Variants in UNC13A observed in about 807,000 individuals in gnomAD.
UNC13A encodes protein unc-13 homolog A.
A neutral mutation model predicts 219.7 loss-of-function variants in UNC13A; 61 were observed. That is an observed-to-expected ratio of 0.28 (90% CI 0.23 to 0.34). UNC13A has a LOEUF of 0.34. Ranked by LOEUF, UNC13A falls within the 10% of genes least tolerant of loss-of-function variation. UNC13A has a pLI of 1.00. For missense variants in UNC13A, 1,476 were observed against 2,270.3 expected (o/e 0.65, Z 7.11); for synonymous variants, 920 against 884.6 (o/e 1.04, Z -0.71).
At chr19:17,648,380 C>A in intron 16 of UNC13A, 51 bp downstream of exon 16, 1 of 1,454,010 alleles carries the variant, frequency 6.9e-7, no homozygotes, top group Non-Finnish European at 9.1e-7. Flanking sequence ...CATGCAAGCC[C>A]CGGGGCTCCC....
At chr19:17,635,016 G>A (rs1356084190) in intron 26 of UNC13A, among the ~76,000 whole-genome samples, 12 of 152,154 alleles carry the variant, frequency 7.9e-5, no homozygotes, top group East Asian at 3.9e-4. Context: ...GACTACAGGC[G>A]CCCACCACCA....
intron 21 of UNC13A, 93 bp downstream of exon 21, chr19:17,641,300 G>T: frequency 6.6e-7 from 1 of 1,509,828 alleles, no homozygotes; most frequent in Non-Finnish European, 9.0e-7. Flanking sequence ...TCCTCTCTGG[G>T]TCTTCCCCCT....
chr19:17,632,841 G>C lies in UNC13A; in HGVS notation c.3369C>G (p.Leu1123=). ...GAAGTTCCGTCACATACTCATTGTAGAGCCATTTCACCTTGAAGTGGAGGT... is the reference window on the plus strand; with the variant it reads ...GAAGTTCCGTCACATACTCATTGTACAGCCATTTCACCTTGAAGTGGAGGT... ...YMNLHFKVKW[L]YNEYVTELPA... Residue 1123 remains leucine, a synonymous_variant, in exon 28 of 44, where the codon CTC becomes CTG. Transcript: ENST00000519716. The C allele has an allele frequency of 6.2e-7, 1 of 1,613,976 alleles. No individual in the cohort carries two copies. Among genetic ancestry groups the C allele is most frequent in the South Asian group, 1.1e-5 (1 of 91,080 alleles).
intron 43 of UNC13A, among the ~76,000 whole-genome samples, chr19:17,607,296 C>A (rs1236781156): frequency 6.6e-6 from 1 of 152,150 alleles, no homozygotes; most frequent in African/African-American, 2.4e-5. Context: ...GCATCTCCCT[C>A]TGTCACCCAG....
rs764008931 is a variant in UNC13A, at chr19:17,676,190, A to G, written c.23-149T>C. 10 of 856,242 alleles carry G rather than the reference A, an allele frequency of 1.2e-5. No individual in the cohort carries two copies. In the South Asian group the frequency reaches 1.4e-4, roughly 12 times the overall value. 53.0% of individuals were successfully genotyped at this position (856,242 alleles called of 1,614,324 possible). A position where few individuals can be genotyped will look rare whatever the true frequency, so the allele number is the denominator to read the frequency against. On this transcript the variant is annotated intron_variant, in intron 1 of 43. Transcript: ENST00000519716. ...GACAGGCAAAGATAAAAAGCAAAAGAGACAGATGTTAAAAAAGAAAGATAG... is the reference window on the plus strand; with the variant it reads ...GACAGGCAAAGATAAAAAGCAAAAGGGACAGATGTTAAAAAAGAAAGATAG...
At position 17,647,349 on chromosome 19, in the gene UNC13A, T is replaced by G. The variant is rs758620888; in HGVS notation, c.1960A>C (p.Thr654Pro). Reference sequence around the variant, plus strand: ...GCCTTCATCTGCTGCGTGTGCGCCGTCTTGGTCACCGCGAAGATCTCCTGG... The same window carrying G: ...GCCTTCATCTGCTGCGTGTGCGCCGGCTTGGTCACCGCGAAGATCTCCTGG... ...LIQEIFAVTK[T>P]AHTQQMKAVK... is the part of the protein sequence containing the mutation. The change falls in exon 17 of 44, where the codon ACG (threonine) becomes CCG (proline). Residue 654 changes from threonine to proline, a missense_variant. Around this residue, in one of 14 missense-constraint regions of UNC13A, gnomAD observed 34 missense variants for 38.7 expected, o/e 0.88. Coordinates refer to ENST00000519716, the MANE Select transcript of UNC13A (RefSeq NM_001080421.3). 3.1e-6 allele frequency: 5 copies of G among 1,613,344 alleles called. No homozygotes were observed. Among genetic ancestry groups the G allele is most frequent in the Non-Finnish European group, 3.4e-6 (4 of 1,179,720 alleles).
chr19:17,672,639 G>T lies in UNC13A; in HGVS notation c.153-144C>A, dbSNP rs1027603143. The T allele has an allele frequency of 1.5e-5, 9 of 609,704 alleles. No homozygotes were observed. In the Admixed American group the frequency reaches 2.9e-4, roughly 19 times the overall value. The allele number at this position is 609,704 out of a possible 1,614,324, so 37.8% of individuals were successfully genotyped here. A position where few individuals can be genotyped will look rare whatever the true frequency, so the allele number is the denominator to read the frequency against. On this transcript the variant is annotated intron_variant, in intron 3 of 43. Coordinates refer to ENST00000519716, the MANE Select transcript of UNC13A (RefSeq NM_001080421.3). ...GTGTCCTAGGTGGTAGGGTAACATGGTGGTTCTCATTTTATAGAGGGGAAA... is the reference window on the plus strand; with the variant it reads ...GTGTCCTAGGTGGTAGGGTAACATGTTGGTTCTCATTTTATAGAGGGGAAA...
Position 17,627,974 on chromosome 19 carries a change from C to T in UNC13A, c.3754-34G>A, listed in dbSNP as rs1327522726. The T allele has an allele frequency of 6.4e-7, 1 of 1,560,618 alleles. No homozygotes were observed. Among genetic ancestry groups the T allele is most frequent in the Admixed American group, 1.9e-5 (1 of 52,420 alleles). ...GGGAACAGAGAGGGGAGTCAAGCCT[C>T]AGGACCTCTCCCCAGAGCCTCCCCT... On this transcript the variant is annotated intron_variant, in intron 31 of 43. Coordinates refer to ENST00000519716, the MANE Select transcript of UNC13A (RefSeq NM_001080421.3). The surrounding 1 kb of genome is among the most constrained non-coding windows in gnomAD (Gnocchi z 4.7).
At chr19:17,663,221 G>A (rs966783731) in intron 8 of UNC13A, among the ~76,000 whole-genome samples, 2 of 152,026 alleles carry the variant, frequency 1.3e-5, no homozygotes, top group Admixed American at 1.3e-4. Context: ...GCGGAGTGGG[G>A]TGCGGGGGTC....
At chr19:17,606,805 C>T (rs557446024) in intron 43 of UNC13A, among the ~76,000 whole-genome samples, 228 of 151,656 alleles carry the variant, frequency 1.5e-3, no homozygotes, top group African/African-American at 5.3e-3. Context: ...CCCAGCCCCC[C>T]ACACCCCCAG....
intron 39 of UNC13A, 43 bp downstream of exon 39, chr19:17,618,863 T>TG (rs56145097): frequency 0.34 from 545,535 of 1,604,698 alleles, 97,259 homozygotes; most frequent in Middle Eastern, 0.37. Flanking sequence ...CACATGAGTT[T>TG]GGGGGGCAGT....
intron 16 of UNC13A, 28 bp downstream of exon 16, chr19:17,648,403 T>TGGCCCTGCGCTCA (rs760791928): frequency 2.7e-6 from 4 of 1,479,238 alleles, no homozygotes; most frequent in East Asian, 5.3e-5. Flanking sequence ...CGCCAACCCG[T>TGGCCCTGCGCTCA]GGCCCTGCGC....
At position 17,605,664 on chromosome 19, in the gene UNC13A, G is replaced by A. The variant is rs1056625205; in HGVS notation, c.*390C>T. On this transcript the variant is annotated 3_prime_UTR_variant, in exon 44 of 44. Coordinates refer to ENST00000519716, the MANE Select transcript of UNC13A (RefSeq NM_001080421.3). ...CTTGGCAATTGGTCTGGGGTCCCAG[G>A]GGTCTGGGTCCCATCTTATGGCTTT... 5.5e-6 allele frequency: 1 copy of A among 182,460 alleles called. No individual in the cohort carries two copies. Among genetic ancestry groups the A allele is most frequent in the East Asian group, 1.5e-4 (1 of 6,836 alleles). The allele number at this position is 182,460 out of a possible 1,614,324, so 11.3% of individuals were successfully genotyped here. A position where few individuals can be genotyped will look rare whatever the true frequency, so the allele number is the denominator to read the frequency against.
At chr19:17,670,198 G>A (rs760552157) in intron 4 of UNC13A, among the ~76,000 whole-genome samples, 3 of 150,658 alleles carry the variant, frequency 2.0e-5, no homozygotes, top group African/African-American at 4.9e-5. Flanking sequence ...CACCCATCTC[G>A]GCCTCCCAAA....
intron 10 of UNC13A, 96 bp from the exon 11 acceptor site, chr19:17,655,478 A>C: frequency 1.0e-6 from 1 of 989,572 alleles, no homozygotes; most frequent in Non-Finnish European, 1.5e-6. Context: ...ATAGCTCCCC[A>C]TGGTATCTCT....
intron 25 of UNC13A, among the ~76,000 whole-genome samples, chr19:17,638,795 C>A (rs1324252660): frequency 2.0e-5 from 3 of 152,012 alleles, no homozygotes; most frequent in African/African-American, 7.3e-5. Context: ...CACCACTGCA[C>A]TCCAGCCTGG....
rs1161181864 is a variant in UNC13A at position 17,673,872 on chromosome 19, G to A, written c.152+785C>T. Among the ~76,000 whole-genome samples the A allele has an allele frequency of 2.6e-5, 4 of 152,006 alleles. No homozygotes were observed. In the East Asian group the frequency reaches 7.8e-4, roughly 30 times the overall value. On this transcript the variant is annotated intron_variant, in intron 3 of 43. Coordinates refer to ENST00000519716, the MANE Select transcript of UNC13A (RefSeq NM_001080421.3). ...CTTAAAACACAAAAATTAGCCGGGT[G>A]TGGTGGCACACGCTTGTAATCCCAG...
chr19:17,630,005 C>T (rs2076825294), intron 30 of UNC13A, 140 bp downstream of exon 30: 1 of 1,010,098 alleles, frequency 9.9e-7, no homozygotes, highest in Non-Finnish European at 1.4e-6. Context: ...AACCTCAACC[C>T]AAACTCCAAC....
chr19:17,639,410 G>A, intron 24 of UNC13A, 26 bp downstream of exon 24: 1 of 1,604,132 alleles, frequency 6.2e-7, no homozygotes, highest in Non-Finnish European at 8.5e-7. Context: ...TCCTTGGAGA[G>A]CAAAGGCAAC....
Sources: gnomAD v4.1 joint callset for allele counts (sites outside exome capture counted in the v4.1 genomes callset) on GRCh38, gnomAD v4.1.1 for gene constraint, gnomAD v4.1.1 regional missense constraint, Gnocchi (gnomAD v3.1) non-coding constraint, MANE v1.5 for transcripts, NCBI Gene and HGNC (gene_info 2026-07-23, HGNC 2026-07-21) for gene names.